KALRN: variants seen among roughly 807,000 people sequenced by gnomAD.
KALRN encodes the protein kalirin RhoGEF kinase.
In KALRN, 70 loss-of-function variants were observed where a neutral mutation model predicts 353.7. The observed-to-expected ratio is 0.20, with a 90% CI of 0.16 to 0.24. The LOEUF (loss-of-function observed/expected upper bound fraction) is 0.24. Among genes scored for constraint, KALRN ranks in the 10% least tolerant of loss-of-function variants. KALRN has a pLI of 1.00. For missense variants in KALRN, 2,791 were observed against 3,756.7 expected (o/e 0.74, Z 6.72); for synonymous variants, 1,391 against 1,434.8 (o/e 0.97, Z 0.69).
Position 124,286,396 on chromosome 3 carries a change from C to T in KALRN, c.970-12395C>T, listed in dbSNP as rs374019708. Among the ~76,000 whole-genome samples the T allele has an allele frequency of 3.4e-4, 51 of 151,762 alleles. No homozygotes were observed. In the East Asian group the frequency reaches 7.2e-3, roughly 21 times the overall value. Reference sequence around the variant, plus strand: ...AGTAGCTAGTAGCTGGAATTACAGGCGCCTGCCACCACGCCTGGCTATATT... The same window carrying T: ...AGTAGCTAGTAGCTGGAATTACAGGTGCCTGCCACCACGCCTGGCTATATT... On this transcript the variant is annotated intron_variant, in intron 5 of 59. Coordinates refer to ENST00000682506, the MANE Select transcript of KALRN (RefSeq NM_001388419.1).
intron 51 of KALRN, among the ~76,000 whole-genome samples, chr3:124,683,511 G>A (rs2061430401): frequency 6.6e-6 from 1 of 152,144 alleles, no homozygotes; most frequent in Non-Finnish European, 1.5e-5. Context: ...TCCCTGACTT[G>A]GGCCTTCAAG....
intron 5 of KALRN, among the ~76,000 whole-genome samples, chr3:124,272,659 G>A (rs1018550140): frequency 9.2e-5 from 14 of 152,098 alleles, no homozygotes; most frequent in Non-Finnish European, 1.5e-4. Flanking sequence ...AGGGTGGGAC[G>A]AGGGCAGCCC....
chr3:124,165,959 A>G (rs2070773948), intron 1 of KALRN, among the ~76,000 whole-genome samples: 1 of 151,992 alleles, frequency 6.6e-6, no homozygotes, highest in African/African-American at 2.4e-5. Context: ...ACCCTCAAAC[A>G]TACCATGCTT....
chr3:124,323,508 G>T (rs1023180157), intron 6 of KALRN, among the ~76,000 whole-genome samples: 1 of 152,148 alleles, frequency 6.6e-6, no homozygotes, highest in Non-Finnish European at 1.5e-5. Context: ...GAGTGACAAG[G>T]TGTTAAGAGT....
chr3:124,512,958 T>C (rs2066112138), intron 33 of KALRN, among the ~76,000 whole-genome samples: 1 of 152,132 alleles, frequency 6.6e-6, no homozygotes, highest in South Asian at 2.1e-4. Flanking sequence ...GTTGCTGGGG[T>C]CCACCCTCTG....
At chr3:124,061,235 C>A (rs532428898) in intron 1 of KALRN, among the ~76,000 whole-genome samples, 1 of 152,314 alleles carries the variant, frequency 6.6e-6, no homozygotes, top group East Asian at 1.9e-4. Flanking sequence ...ACTCAGATCT[C>A]TGGTAGTATT....
At chr3:124,258,004 C>T (rs1367452528) in intron 3 of KALRN, among the ~76,000 whole-genome samples, 2 of 152,122 alleles carry the variant, frequency 1.3e-5, no homozygotes, top group Admixed American at 6.5e-5. Context: ...AGCAGGCTAC[C>T]TGTTAGTTAT....
chr3:124,218,214 C>A (rs944206368), intron 1 of KALRN, among the ~76,000 whole-genome samples: 50 of 152,108 alleles, frequency 3.3e-4, no homozygotes, highest in Non-Finnish European at 6.5e-4. Flanking sequence ...CACAGAGCCC[C>A]AAACTGACTT....
At chr3:124,629,222 G>T (rs2080455039) in intron 34 of KALRN, among the ~76,000 whole-genome samples, 1 of 152,152 alleles carries the variant, frequency 6.6e-6, no homozygotes, top group African/African-American at 2.4e-5. Context: ...GATTTGTTCA[G>T]ATGCTAATGG....
intron 11 of KALRN, among the ~76,000 whole-genome samples, chr3:124,388,344 T>C (rs2088758221): frequency 6.6e-6 from 1 of 152,198 alleles, no homozygotes; most frequent in African/African-American, 2.4e-5. Context: ...CATTTTTTTT[T>C]TCTTGAACTT....
At chr3:124,600,611 T>C (rs564577962) in intron 34 of KALRN, among the ~76,000 whole-genome samples, 2 of 152,268 alleles carry the variant, frequency 1.3e-5, no homozygotes, top group South Asian at 4.1e-4. Context: ...GTATTTATAT[T>C]TGTGATTAGC....
intron 15 of KALRN, among the ~76,000 whole-genome samples, chr3:124,426,542 G>A (rs1296877968): frequency 6.6e-6 from 1 of 152,184 alleles, no homozygotes; most frequent in East Asian, 1.9e-4. Flanking sequence ...GGAAGGCACA[G>A]ACGTTAGACT....
At chr3:124,647,651 G>A (rs2082929316) in intron 37 of KALRN, among the ~76,000 whole-genome samples, 6 of 152,172 alleles carry the variant, frequency 3.9e-5, no homozygotes, top group Admixed American at 3.9e-4. Flanking sequence ...ATGGAGGCCA[G>A]GGAGCTTTGT....
intron 25 of KALRN, among the ~76,000 whole-genome samples, chr3:124,467,871 G>A (rs1314365896): frequency 6.6e-6 from 1 of 152,100 alleles, no homozygotes; most frequent in Non-Finnish European, 1.5e-5. Context: ...CAGATAATAA[G>A]GAGAAAGGAA....
rs150206749 is a variant in KALRN, at chr3:124,314,801, G to A, written c.1093-11179G>A. The stretch of plus-strand genomic sequence containing the variant: ...CCTCTCAAGTAGCTGGACTACAGGT[G>A]TATGCCACCATGCTGGCTAATTTTT... On this transcript the variant is annotated intron_variant, in intron 6 of 59. Coordinates refer to ENST00000682506, the MANE Select transcript of KALRN (RefSeq NM_001388419.1). Among the ~76,000 whole-genome samples the A allele has an allele frequency of 3.3e-5, 5 of 151,116 alleles. No individual in the cohort carries two copies. The East Asian group carries it at 9.9e-4, about 30-fold the overall frequency.
chr3:124,485,811 C>T (rs959184167), intron 28 of KALRN, among the ~76,000 whole-genome samples: 8 of 152,198 alleles, frequency 5.3e-5, no homozygotes, highest in Non-Finnish European at 1.0e-4. Context: ...ACCCAGGAGG[C>T]GGAGGTTGCA....
intron 1 of KALRN, among the ~76,000 whole-genome samples, chr3:124,180,660 A>C (rs1376327000): frequency 6.6e-6 from 1 of 152,178 alleles, no homozygotes; most frequent in Non-Finnish European, 1.5e-5. Context: ...TCACTACAGC[A>C]ACATGAGAAA....
At chr3:124,550,300 G>A (rs953601141) in intron 33 of KALRN, among the ~76,000 whole-genome samples, 7 of 152,160 alleles carry the variant, frequency 4.6e-5, no homozygotes, top group African/African-American at 1.7e-4. Flanking sequence ...CCGGAAGGGA[G>A]GAAGAGGAAG....
intron 44 of KALRN, among the ~76,000 whole-genome samples, chr3:124,661,520 C>T (rs1268091902): frequency 6.6e-6 from 1 of 152,142 alleles, no homozygotes; most frequent in Non-Finnish European, 1.5e-5. Flanking sequence ...GTTGCCTGGG[C>T]AGCCAGGAAG....
Sources: gnomAD v4.1 joint callset for allele counts (sites outside exome capture counted in the v4.1 genomes callset) on GRCh38, gnomAD v4.1.1 for gene constraint, MANE v1.5 for transcripts, NCBI Gene and HGNC (gene_info 2026-07-23, HGNC 2026-07-21) for gene names.